Variants in FAM110A observed in about 807,000 individuals in gnomAD.
FAM110A encodes family with sequence similarity 110 member A.
A neutral mutation model predicts 4.0 loss-of-function variants in FAM110A; 1 was observed. The observed-to-expected ratio is 0.25, with a 90% CI of 0.09 to 1.20. The LOEUF is 1.20. Among genes scored for constraint, FAM110A ranks in the 50% most tolerant of loss-of-function variants. FAM110A has a pLI of 0.50. For missense variants in FAM110A, 436 were observed against 429.2 expected (o/e 1.02, Z -0.14); for synonymous variants, 217 against 196.8 (o/e 1.10, Z -0.86).
Position 845,075 on chromosome 20 carries a change from C to G in FAM110A, c.271C>G (p.Arg91Gly), listed in dbSNP as rs759716075. Residue 91 changes from arginine to glycine, a missense_variant, in exon 2 of 2, where the codon CGA becomes GGA. Arg to Gly is a moderately radical substitution (Grantham distance 125). Coordinates refer to ENST00000381941, the MANE Select transcript of FAM110A (RefSeq NM_001042353.3). ...CCGCACAGTGCTCACGCCCAGCCGC[C>G]GAGCCCTGCCTGGCCCCTGCCGACG... ...TRRTVLTPSR[R>G]ALPGPCRRPQ... 1.3e-6 allele frequency: 2 copies of G among 1,597,004 alleles called. No individual in the cohort carries two copies. The highest frequency in any genetic ancestry group is 1.7e-6 in the Non-Finnish European group (2 of 1,173,154).
chr20:844,742 G>A lies in FAM110A; in HGVS notation c.-63G>A, dbSNP rs1420414292. The A allele has an allele frequency of 6.7e-6, 9 of 1,345,676 alleles. No homozygotes were observed. The African/African-American group carries it at 1.5e-4, about 22-fold the overall frequency. 83.4% of individuals were successfully genotyped at this position (1,345,676 alleles called of 1,614,324 possible). On this transcript the variant is annotated 5_prime_UTR_variant, in exon 2 of 2. Coordinates refer to ENST00000381941, the MANE Select transcript of FAM110A (RefSeq NM_001042353.3). ...GTGTCCAGCTGCCTACTTTCTGCCC[G>A]GATCTCTGGCTCCTCATCTCTCCGG... is the stretch of plus-strand genomic sequence containing the variant.
In FAM110A at chr20:839,584, C is replaced by T. The variant is rs1305617470; in HGVS notation, c.-97-5124C>T. The T allele has an allele frequency of 7.8e-6, 8 of 1,020,984 alleles. No individual in the cohort carries two copies. In the East Asian group the frequency reaches 1.9e-4, roughly 24 times the overall value. 63.2% of individuals were successfully genotyped at this position (1,020,984 alleles called of 1,614,324 possible). A position where few individuals can be genotyped will look rare whatever the true frequency, so the allele number is the denominator to read the frequency against. ...CGTCTGTAGGTATCTCTGTCAGCTT[C>T]CCGTCTTGTGAGTCTTGCAGGTCGC... is the stretch of plus-strand genomic sequence containing the variant. On this transcript the variant is annotated intron_variant, in intron 1 of 1. Transcript: ENST00000381941.
chr20:840,054 T>C lies in FAM110A; in HGVS notation c.-97-4654T>C, dbSNP rs1979801784. On this transcript the variant is annotated intron_variant, in intron 1 of 1. Coordinates refer to ENST00000381941, the MANE Select transcript of FAM110A (RefSeq NM_001042353.3). The surrounding 1 kb of genome is among the most constrained non-coding windows in gnomAD (Gnocchi z 4.4). The stretch of plus-strand genomic sequence containing the variant: ...TTCTTTGCTATTACGAAAATCATTA[T>C]TGTTGCTTTGCTGTTACTACTATTA... 5 of 808,272 alleles carry C rather than the reference T, an allele frequency of 6.2e-6. No individual in the cohort carries two copies. In the Admixed American group the frequency reaches 6.4e-5, roughly 10 times the overall value. 50.1% of individuals were successfully genotyped at this position (808,272 alleles called of 1,614,324 possible). A position where few individuals can be genotyped will look rare whatever the true frequency, so the allele number is the denominator to read the frequency against.
chr20:844,334 G>A (rs1980117334), intron 1 of FAM110A, among the ~76,000 whole-genome samples: 1 of 152,274 alleles, frequency 6.6e-6, no homozygotes, highest in African/African-American at 2.4e-5. Context: ...AAAAAACGGG[G>A]CTGTTGAGAG....
chr20:843,417 G>T (rs1376311984), intron 1 of FAM110A, among the ~76,000 whole-genome samples: 1 of 152,186 alleles, frequency 6.6e-6, no homozygotes, highest in South Asian at 2.1e-4. Context: ...GTGGCAACTG[G>T]CCACATGTGG....
Position 845,296 on chromosome 20 carries a change from C to A in FAM110A, c.492C>A (p.Ala164=). 6.6e-7 allele frequency: 1 copy of A among 1,522,148 alleles called. No individual in the cohort carries two copies. Among genetic ancestry groups the A allele is most frequent in the Admixed American group, 2.2e-5 (1 of 45,400 alleles). The allele number at this position is 1,522,148 out of a possible 1,614,324, so 94.3% of individuals were successfully genotyped here. Reference sequence around the variant, plus strand: ...TCCGCCCCCTGCCCGCCTCGCCTGCCCGGCCCTGCCCATCACCCGGCCCTG... The same window carrying A: ...TCCGCCCCCTGCCCGCCTCGCCTGCACGGCCCTGCCCATCACCCGGCCCTG... The part of the protein sequence containing the change: ...VDVRPLPASP[A]RPCPSPGPAA... Residue 164 remains alanine (A), a synonymous_variant, in exon 2 of 2, where the codon GCC becomes GCA. Coordinates refer to ENST00000381941, the MANE Select transcript of FAM110A (RefSeq NM_001042353.3).
chr20:838,882 C>T (rs981086912), intron 1 of FAM110A, among the ~76,000 whole-genome samples: 1 of 148,184 alleles, frequency 6.7e-6, no homozygotes, highest in Non-Finnish European at 1.5e-5. Flanking sequence ...TGCAGTGGCT[C>T]AATCTCAGCT....
Position 844,741 on chromosome 20 carries a change from C to A in FAM110A, c.-64C>A. 7.4e-7 allele frequency: 1 copy of A among 1,360,148 alleles called. No homozygotes were observed. Among genetic ancestry groups the A allele is most frequent in the South Asian group, 1.7e-5 (1 of 57,638 alleles). 84.3% of individuals were successfully genotyped at this position (1,360,148 alleles called of 1,614,324 possible). Reference sequence around the variant, plus strand: ...GGTGTCCAGCTGCCTACTTTCTGCCCGGATCTCTGGCTCCTCATCTCTCCG... The same window carrying A: ...GGTGTCCAGCTGCCTACTTTCTGCCAGGATCTCTGGCTCCTCATCTCTCCG... On this transcript the variant is annotated 5_prime_UTR_variant, in exon 2 of 2. Coordinates refer to ENST00000381941, the MANE Select transcript of FAM110A (RefSeq NM_001042353.3).
chr20:844,564 C>T (rs1006488649), intron 1 of FAM110A, 144 bp from the exon 2 acceptor site: 21 of 464,842 alleles, frequency 4.5e-5, no homozygotes, highest in African/African-American at 4.0e-4. Context: ...CAGCTGCTGC[C>T]TTGTGCCTGC....
rs114294582 is a variant in FAM110A, at chr20:844,389, C to A, written c.-97-319C>A. Reference sequence around the variant, plus strand: ...TGGTGCGTAGCACAGAGCCTGGAGCCTCCCTTGCTCCCTTTAGCGCGTGCC... The same window carrying A: ...TGGTGCGTAGCACAGAGCCTGGAGCATCCCTTGCTCCCTTTAGCGCGTGCC... On this transcript the variant is annotated intron_variant, in intron 1 of 1. Coordinates refer to ENST00000381941, the MANE Select transcript of FAM110A (RefSeq NM_001042353.3). 5.3e-3 allele frequency among the ~76,000 whole-genome samples: 814 copies of A among 152,370 alleles called. 11 individuals are homozygous for A. Among genetic ancestry groups the A allele is most frequent in the African/African-American group, 0.019 (776 of 41,580 alleles).
intron 1 of FAM110A, among the ~76,000 whole-genome samples, chr20:841,535 C>T (rs1979914168): frequency 6.6e-6 from 1 of 152,180 alleles, no homozygotes; most frequent in African/African-American, 2.4e-5. Context: ...CCCCCGCCAC[C>T]GGGAGTCCTC....
chr20:843,262 G>C (rs1980043743), intron 1 of FAM110A, among the ~76,000 whole-genome samples: 3 of 152,016 alleles, frequency 2.0e-5, no homozygotes, highest in African/African-American at 7.3e-5. Flanking sequence ...GGAGGTTATA[G>C]GGAGGATGGC....
rs1979460199 is a variant in FAM110A, at chr20:834,228, C to T, written c.-98+277C>T. 6.6e-6 allele frequency among the ~76,000 whole-genome samples: 1 copy of T among 152,232 alleles called. No homozygotes were observed. Among genetic ancestry groups the T allele is most frequent in the Admixed American group, 6.5e-5 (1 of 15,286 alleles). ...GGTAGTCATTTTCCCAGCGTTTTAT[C>T]GGCAGGGACCTGTAGACCCCTGGCT... On this transcript the variant is annotated intron_variant, in intron 1 of 1. Coordinates refer to ENST00000381941, the MANE Select transcript of FAM110A (RefSeq NM_001042353.3). The surrounding 1 kb of genome is among the most constrained non-coding windows in gnomAD (Gnocchi z 5.6).
At chr20:837,545 C>A (rs1979646995) in intron 1 of FAM110A, among the ~76,000 whole-genome samples, 1 of 152,174 alleles carries the variant, frequency 6.6e-6, no homozygotes, top group Non-Finnish European at 1.5e-5. Flanking sequence ...GAGGGAGGCA[C>A]TGTTGTGAGT....
intron 1 of FAM110A, among the ~76,000 whole-genome samples, chr20:839,019 G>A (rs6108038): frequency 0.087 from 13,194 of 152,100 alleles, 638 homozygotes; most frequent in African/African-American, 0.12. Flanking sequence ...AGAGGAAACC[G>A]AGACTCAGAA....
In FAM110A at chr20:844,794, A is replaced by G; in HGVS notation, c.-11A>G. ...CTCCGCAGACTAAAGCCCTCGGGAT[A>G]TGCAGCAGCCATGCCTGTGCACACG... On this transcript the variant is annotated 5_prime_UTR_variant, in exon 2 of 2. The change creates a new upstream start codon in the 5' untranslated region. Transcript: ENST00000381941. 2 of 1,449,320 alleles carry G rather than the reference A, an allele frequency of 1.4e-6. No individual in the cohort carries two copies. The highest frequency in any genetic ancestry group is 1.8e-6 in the Non-Finnish European group (2 of 1,105,312). 89.8% of individuals were successfully genotyped at this position (1,449,320 alleles called of 1,614,324 possible).
intron 1 of FAM110A, among the ~76,000 whole-genome samples, chr20:843,133 C>T (rs633682): frequency 0.21 from 31,472 of 151,920 alleles, 3,404 homozygotes; most frequent in Middle Eastern, 0.25. Flanking sequence ...GTCAGGAGTG[C>T]CGGGGAGAAA....
At chr20:844,635 T>G in intron 1 of FAM110A, 73 bp from the exon 2 acceptor site, 1 of 1,121,706 alleles carries the variant, frequency 8.9e-7, no homozygotes, top group Non-Finnish European at 1.2e-6. Flanking sequence ...CGTCTTATCC[T>G]CTCAGCCGCG....
chr20:834,678 G>A lies in FAM110A; in HGVS notation c.-98+727G>A, dbSNP rs1483909613. 1.3e-5 allele frequency among the ~76,000 whole-genome samples: 2 copies of A among 152,162 alleles called. No individual in the cohort carries two copies. Among genetic ancestry groups the A allele is most frequent in the African/African-American group, 4.8e-5 (2 of 41,432 alleles). On this transcript the variant is annotated intron_variant, in intron 1 of 1. Coordinates refer to ENST00000381941, the MANE Select transcript of FAM110A (RefSeq NM_001042353.3). The surrounding 1 kb of genome is among the most constrained non-coding windows in gnomAD (Gnocchi z 5.6). ...TCCTTTTGTAGGTGGGGAAACGGAGGTTCTAAGAAGTTAAGCCCCTTTTCG... is the reference window on the plus strand; with the variant it reads ...TCCTTTTGTAGGTGGGGAAACGGAGATTCTAAGAAGTTAAGCCCCTTTTCG...
Sources: allele counts gnomAD v4.1 joint callset (sites outside exome capture counted in the v4.1 genomes callset), GRCh38; gene constraint gnomAD v4.1.1; non-coding constraint Gnocchi (gnomAD v3.1); transcripts MANE v1.5; gene names NCBI Gene and HGNC (gene_info 2026-07-23, HGNC 2026-07-21).